The following ESRRG variants were observed in gnomAD, a reference collection of about 807,000 sequenced individuals.
ESRRG encodes estrogen-related receptor gamma.
A neutral mutation model predicts 44.0 loss-of-function variants in ESRRG; 13 were observed. The ratio of observed to expected loss-of-function variants is 0.30; its 90% CI spans 0.19 to 0.47. ESRRG has a LOEUF of 0.47. ESRRG is among the 20% of genes least tolerant of loss of function. ESRRG has a pLI of 1.00. For missense variants in ESRRG, 395 were observed against 580.6 expected, an observed-to-expected ratio of 0.68 and a Z score of 3.29; for synonymous variants, 215 against 214.6, an observed-to-expected ratio of 1.00 and a Z score of -0.02.
At chr1:216,901,477 C>T (rs183615439) in intron 2 of ESRRG, among the ~76,000 whole-genome samples, 130 of 151,966 alleles carry the variant, frequency 8.6e-4, no homozygotes, top group African/African-American at 3.0e-3. Context: ...AAGCAATCCT[C>T]CCACCTCAGC....
chr1:216,682,738 GTGTT>G (rs1394718187), intron 1 of ESRRG, among the ~76,000 whole-genome samples: 5 of 151,668 alleles, frequency 3.3e-5, no homozygotes, highest in Non-Finnish European at 1.5e-5. Flanking sequence ...GTGTGTGTGT[GTGTT>G]TTATGCTTTT....
rs114966536 is a variant in ESRRG at position 217,116,415 on chromosome 1, C to T, written c.-230+21252G>A. Among the ~76,000 whole-genome samples the T allele has an allele frequency of 5.4e-3, 823 of 152,164 alleles. 7 individuals carry two copies. The highest frequency in any genetic ancestry group is 0.019 in the African/African-American group (781 of 41,510). Reference sequence around the variant, plus strand: ...CTGTAGCATCTATTAGACTTATGGGCGACGTTTGACCAAAAAGCTGAGTGT... The same window carrying T: ...CTGTAGCATCTATTAGACTTATGGGTGACGTTTGACCAAAAAGCTGAGTGT... On this transcript the variant is annotated intron_variant, in intron 1 of 8. Transcript: ENST00000366940.
intron 2 of ESRRG, among the ~76,000 whole-genome samples, chr1:216,739,958 G>A (rs1388483294): frequency 6.6e-6 from 1 of 152,136 alleles, no homozygotes; most frequent in Non-Finnish European, 1.5e-5. Context: ...CCTGCAGATT[G>A]TCTTGTAAAT....
chr1:217,109,682 C>T (rs1453528206), intron 1 of ESRRG, among the ~76,000 whole-genome samples: 1 of 152,176 alleles, frequency 6.6e-6, no homozygotes, highest in Non-Finnish European at 1.5e-5. Flanking sequence ...CCTGCCCCAC[C>T]TGCTCTCCTC....
intron 1 of ESRRG, among the ~76,000 whole-genome samples, chr1:216,967,690 T>C (rs894720073): frequency 6.6e-6 from 1 of 152,222 alleles, no homozygotes; most frequent in African/African-American, 2.4e-5. Context: ...ATACAGCTGC[T>C]ATAAGCATAT....
At chr1:216,794,565 C>T (rs1220205693) in intron 2 of ESRRG, among the ~76,000 whole-genome samples, 2 of 152,178 alleles carry the variant, frequency 1.3e-5, no homozygotes, top group East Asian at 1.9e-4. Flanking sequence ...TTGGAAACCT[C>T]TTAGGAGATG....
intron 2 of ESRRG, among the ~76,000 whole-genome samples, chr1:216,782,712 C>T (rs575635625): frequency 6.6e-6 from 1 of 151,992 alleles, no homozygotes; most frequent in African/African-American, 2.4e-5. Flanking sequence ...GACTAATGAT[C>T]GTCATTAATG....
intron 1 of ESRRG, among the ~76,000 whole-genome samples, chr1:217,074,262 C>A (rs982584189): frequency 1.3e-5 from 2 of 151,596 alleles, no homozygotes; most frequent in South Asian, 2.1e-4. Flanking sequence ...TTGGCCCGGC[C>A]AGTCTCAAAC....
At chr1:216,945,971 A>T (rs182832209) in intron 1 of ESRRG, among the ~76,000 whole-genome samples, 2 of 152,284 alleles carry the variant, frequency 1.3e-5, no homozygotes, top group Admixed American at 1.3e-4. Context: ...GTTTCAGAGG[A>T]GCTTACTTTT....
At chr1:216,867,142 A>C (rs1183400689) in intron 2 of ESRRG, among the ~76,000 whole-genome samples, 1 of 152,208 alleles carries the variant, frequency 6.6e-6, no homozygotes, top group African/African-American at 2.4e-5. Flanking sequence ...ATTAGCTGCA[A>C]GAATAACTAT....
chr1:216,868,606 AC>A (rs1371654956), intron 2 of ESRRG, among the ~76,000 whole-genome samples: 8 of 152,090 alleles, frequency 5.3e-5, no homozygotes, highest in African/African-American at 1.9e-4. Flanking sequence ...TCTGCATCCT[AC>A]AGTAGATCAC....
chr1:217,017,845 T>C (rs919564972), intron 1 of ESRRG, among the ~76,000 whole-genome samples: 2 of 152,162 alleles, frequency 1.3e-5, no homozygotes, highest in East Asian at 3.9e-4. Flanking sequence ...AAGGCACACA[T>C]CATCGATTGC....
At chr1:217,111,193 G>A (rs993809969) in intron 1 of ESRRG, among the ~76,000 whole-genome samples, 8 of 152,104 alleles carry the variant, frequency 5.3e-5, no homozygotes, top group Admixed American at 5.2e-4. Context: ...TTCCCCCAGG[G>A]CCCCCCTTAT....
At chr1:216,857,190 T>C (rs2095959545) in intron 2 of ESRRG, among the ~76,000 whole-genome samples, 1 of 151,746 alleles carries the variant, frequency 6.6e-6, no homozygotes, top group Non-Finnish European at 1.5e-5. Context: ...CACCAGAGAG[T>C]GTCTGCTATT....
chr1:216,866,434 C>G (rs1271254892), intron 2 of ESRRG, among the ~76,000 whole-genome samples: 2 of 152,102 alleles, frequency 1.3e-5, no homozygotes, highest in Non-Finnish European at 2.9e-5. Flanking sequence ...AAGCAACAAG[C>G]ATGTACATTA....
intron 2 of ESRRG, among the ~76,000 whole-genome samples, chr1:216,934,640 T>C (rs759880543): frequency 1.3e-5 from 2 of 152,066 alleles, no homozygotes; most frequent in Non-Finnish European, 2.9e-5. Context: ...TCATGAGACA[T>C]ATTAACCATC....
intron 1 of ESRRG, among the ~76,000 whole-genome samples, chr1:216,953,955 T>C (rs1445246835): frequency 6.6e-6 from 1 of 152,020 alleles, no homozygotes; most frequent in African/African-American, 2.4e-5. Context: ...AAGGAAAACA[T>C]TAAAAAACCT....
At chr1:216,572,744 A>G (rs1165939675) in intron 3 of ESRRG, among the ~76,000 whole-genome samples, 1 of 152,074 alleles carries the variant, frequency 6.6e-6, no homozygotes, top group Non-Finnish European at 1.5e-5. Flanking sequence ...CTTACTAAAA[A>G]GCAAATTTTA....
intron 2 of ESRRG, among the ~76,000 whole-genome samples, chr1:216,937,934 C>T (rs764745329): frequency 4.0e-5 from 6 of 149,874 alleles, no homozygotes; most frequent in Non-Finnish European, 8.9e-5. Context: ...TTTTTCTTTA[C>T]GTACTCTGGA....
Sources: gnomAD v4.1 joint callset for allele counts (sites outside exome capture counted in the v4.1 genomes callset) on GRCh38, gnomAD v4.1.1 for gene constraint, MANE v1.5 for transcripts, NCBI Gene and HGNC (gene_info 2026-07-23, HGNC 2026-07-21) for gene names.